Variants in SLC8A3 observed in about 807,000 individuals in gnomAD.
SLC8A3 encodes solute carrier family 8 member A3, also known as sodium/calcium exchanger 3.
In SLC8A3, 37 loss-of-function variants were observed where a neutral mutation model predicts 65.4. The observed-to-expected ratio is 0.57, with a 90% CI of 0.44 to 0.74. The LOEUF (loss-of-function observed/expected upper bound fraction) is 0.74, where lower values mean the gene tolerates loss of function less well. SLC8A3 is among the 30% of genes least tolerant of loss of function. The pLI, the probability that SLC8A3 is intolerant of heterozygous loss-of-function variation, is 0.00. For missense variants in SLC8A3, 1,112 were observed against 1,172.1 expected (o/e 0.95, Z 0.75); for synonymous variants, 461 against 444.5 (o/e 1.04, Z -0.47).
Position 70,168,473 on chromosome 14 carries a change from T to A in SLC8A3, c.-51A>T. ...ATTGCAGCACCAGTTGTCCTCCTGA[T>A]AGGCCAGAGACCTAGAAAAGATCAG... On this transcript the variant is annotated 5_prime_UTR_variant, in exon 2 of 7. Transcript: ENST00000356921. 1 of 1,457,692 alleles carries A rather than the reference T, an allele frequency of 6.9e-7. No homozygotes were observed. Among genetic ancestry groups the A allele is most frequent in the Non-Finnish European group, 9.5e-7 (1 of 1,057,012 alleles). The allele number at this position is 1,457,692 out of a possible 1,614,324, so 90.3% of individuals were successfully genotyped here.
In SLC8A3 at chr14:70,167,886, G is replaced by T. The variant is rs1897273109; in HGVS notation, c.537C>A (p.Phe179Leu). Residue 179 changes from phenylalanine (F) to leucine (L), a missense_variant, in exon 2 of 7, where the codon TTC (phenylalanine) becomes TTA (leucine). Phe to Leu is a conservative substitution (Grantham distance 22, BLOSUM62 0). Coordinates refer to ENST00000356921, the MANE Select transcript of SLC8A3 (RefSeq NM_182932.3). ...TIVGSAAFNMFIIIGICVYVI... is the reference protein window; with the variant it reads ...TIVGSAAFNMLIIIGICVYVI... ...CGTAGACACAGATGCCAATGATGAT[G>T]AACATGTTGAAGGCTGCACTCCCTA... 2.5e-6 allele frequency: 4 copies of T among 1,614,138 alleles called. No homozygotes were observed. The East Asian group carries it at 6.7e-5, about 27-fold the overall frequency.
intron 2 of SLC8A3, among the ~76,000 whole-genome samples, chr14:70,163,304 C>T (rs1362228321): frequency 2.0e-5 from 3 of 152,224 alleles, no homozygotes; most frequent in Non-Finnish European, 4.4e-5. Context: ...GATGGATTCA[C>T]ATCTGCTTTC....
intron 2 of SLC8A3, among the ~76,000 whole-genome samples, chr14:70,120,800 CAACA>C (rs1894003136): frequency 6.6e-6 from 1 of 152,176 alleles, no homozygotes. Flanking sequence ...TTCGTTCATT[CAACA>C]AACATTTATT....
At chr14:70,132,153 C>A (rs1347282668) in intron 2 of SLC8A3, among the ~76,000 whole-genome samples, 1 of 152,230 alleles carries the variant, frequency 6.6e-6, no homozygotes, top group Non-Finnish European at 1.5e-5. Context: ...GATGAAAGAA[C>A]TAGCTTGTTC....
rs764058102 is a variant in SLC8A3 at position 70,168,368 on chromosome 14, C to A, written c.55G>T (p.Val19Phe). 2.5e-6 allele frequency: 4 copies of A among 1,614,146 alleles called. No individual in the cohort carries two copies. In the South Asian group the frequency reaches 4.4e-5, roughly 18 times the overall value. ...LTSAFLHFGLVTFVLFLNGLR... is the reference protein window; with the variant it reads ...LTSAFLHFGLFTFVLFLNGLR... ...CCATTCAGGAAGAGCACAAAGGTAACCAGCCCAAAATGGAGGAAGGCAGAG... is the reference window on the plus strand; with the variant it reads ...CCATTCAGGAAGAGCACAAAGGTAAACAGCCCAAAATGGAGGAAGGCAGAG... Residue 19 changes from valine (V) to phenylalanine (F), a missense_variant, in exon 2 of 7, where the codon GTT (valine) becomes TTT (phenylalanine). By Grantham distance (50) the Val-to-Phe change is conservative. Coordinates refer to ENST00000356921, the MANE Select transcript of SLC8A3 (RefSeq NM_182932.3).
intron 2 of SLC8A3, among the ~76,000 whole-genome samples, chr14:70,110,630 G>A (rs75150558): frequency 0.037 from 5,470 of 148,686 alleles, 156 homozygotes; most frequent in African/African-American, 0.07. Context: ...CTTAGCTATT[G>A]TGAACAGTGC....
At chr14:70,091,206 G>A (rs76266390) in intron 2 of SLC8A3, among the ~76,000 whole-genome samples, 2,459 of 152,258 alleles carry the variant, frequency 0.016, 32 homozygotes, top group South Asian at 0.073. Context: ...AGGACATCAC[G>A]TTTTCTACTC....
intron 1 of SLC8A3, among the ~76,000 whole-genome samples, chr14:70,173,317 C>A (rs190109726): frequency 4.6e-5 from 7 of 152,224 alleles, no homozygotes; most frequent in Non-Finnish European, 1.0e-4. Flanking sequence ...GCTCATGATG[C>A]CCGTCTGTCC....
chr14:70,094,863 G>A (rs1393452438), intron 2 of SLC8A3, among the ~76,000 whole-genome samples: 1 of 152,224 alleles, frequency 6.6e-6, no homozygotes, highest in Non-Finnish European at 1.5e-5. Context: ...TCCTCATACA[G>A]TATCCATGTG....
chr14:70,168,000 C>T lies in SLC8A3; in HGVS notation c.423G>A (p.Leu141=). Residue 141 remains leucine (L), a synonymous_variant, in exon 2 of 7, where the codon CTG becomes CTA. Coordinates refer to ENST00000356921, the MANE Select transcript of SLC8A3 (RefSeq NM_182932.3). ...GGAGTATCTCAGGAGCAGAGGAACCCAGGGCCATAAGGGTCAGGTTGGAGA... is the reference window on the plus strand; with the variant it reads ...GGAGTATCTCAGGAGCAGAGGAACCTAGGGCCATAAGGGTCAGGTTGGAGA... ...ETVSNLTLMA[L]GSSAPEILLS... is the part of the protein sequence containing the mutation. The T allele has an allele frequency of 6.2e-7, 1 of 1,614,128 alleles. No homozygotes were observed. The highest frequency in any genetic ancestry group is 8.5e-7 in the Non-Finnish European group (1 of 1,180,018).
intron 3 of SLC8A3, chr14:70,060,515 T>C: frequency 2.2e-6 from 1 of 451,138 alleles, no homozygotes; most frequent in South Asian, 1.7e-5. Flanking sequence ...ATTGAATAAT[T>C]GAAAATTGTA....
At chr14:70,074,852 G>A (rs948560260) in intron 2 of SLC8A3, among the ~76,000 whole-genome samples, 9 of 152,150 alleles carry the variant, frequency 5.9e-5, no homozygotes, top group African/African-American at 2.2e-4. Context: ...TCCTGCCCTT[G>A]CTGACTCACT....
At chr14:70,153,808 T>A (rs959956248) in intron 2 of SLC8A3, among the ~76,000 whole-genome samples, 6 of 152,222 alleles carry the variant, frequency 3.9e-5, no homozygotes, top group African/African-American at 1.4e-4. Context: ...ATCTCATCAC[T>A]GCCCCGTCTA....
rs1887433488 is a variant in SLC8A3 at position 70,050,995 on chromosome 14, A to G, written c.2113+13T>C. 1.3e-6 allele frequency: 2 copies of G among 1,580,628 alleles called. No homozygotes were observed. The highest frequency in any genetic ancestry group is 2.7e-5 in the African/African-American group (2 of 74,224). On this transcript the variant is annotated intron_variant, in intron 5 of 6. Coordinates refer to ENST00000356921, the MANE Select transcript of SLC8A3 (RefSeq NM_182932.3). The stretch of plus-strand genomic sequence containing the variant: ...TGCTTCTCCCAGCAAGGCCAGCCTG[A>G]GACACTTCTCACCTGCACTGACGGT...
At chr14:70,094,957 C>T (rs1376176363) in intron 2 of SLC8A3, among the ~76,000 whole-genome samples, 1 of 152,190 alleles carries the variant, frequency 6.6e-6, no homozygotes, top group Non-Finnish European at 1.5e-5. Context: ...AGCACAGGCC[C>T]TTAGGAATCA....
rs998878358 is a variant in SLC8A3, at chr14:70,052,821, G to A, written c.1889-707C>T. 2.0e-5 allele frequency among the ~76,000 whole-genome samples: 3 copies of A among 152,080 alleles called. No individual in the cohort carries two copies. The South Asian group carries it at 6.2e-4, about 32-fold the overall frequency. On this transcript the variant is annotated intron_variant, in intron 3 of 6. Transcript: ENST00000356921. Reference sequence around the variant, plus strand: ...CACATGCAATTATTTCTTTTATTCAGCTCCTTAATTGCTTTCATTCCACAC... The same window carrying A: ...CACATGCAATTATTTCTTTTATTCAACTCCTTAATTGCTTTCATTCCACAC...
chr14:70,122,683 AC>A (rs555562089), intron 2 of SLC8A3, among the ~76,000 whole-genome samples: 2 of 152,058 alleles, frequency 1.3e-5, no homozygotes, highest in Admixed American at 1.3e-4. Context: ...AACAACAACA[AC>A]AAACAAACAA....
At chr14:70,168,906 G>A (rs1897329834) in intron 1 of SLC8A3, among the ~76,000 whole-genome samples, 1 of 152,160 alleles carries the variant, frequency 6.6e-6, no homozygotes, top group African/African-American at 2.4e-5. Context: ...GATAACATAG[G>A]TTTGCAAGAG....
chr14:70,161,358 TG>T (rs1173637417), intron 2 of SLC8A3, among the ~76,000 whole-genome samples: 17 of 129,578 alleles, frequency 1.3e-4, no homozygotes, highest in Non-Finnish European at 2.4e-4. Flanking sequence ...GCCTGGAAAG[TG>T]GGCAATTGTG....
Sources: gnomAD v4.1 joint callset for allele counts (sites outside exome capture counted in the v4.1 genomes callset) on GRCh38, gnomAD v4.1.1 for gene constraint, MANE v1.5 for transcripts, NCBI Gene and HGNC (gene_info 2026-07-23, HGNC 2026-07-21) for gene names.